The following MSRA variants were observed in gnomAD, a reference collection of about 807,000 sequenced individuals.
The protein encoded by MSRA is mitochondrial peptide methionine sulfoxide reductase.
MSRA carries 54 observed loss-of-function variants against 31.3 expected under a neutral mutation model. The observed-to-expected ratio is 1.73, with a 90% CI of 1.39 to 2.17. MSRA has a LOEUF of 2.17. Among genes scored for constraint, MSRA ranks in the 30% most tolerant of loss-of-function variants. The pLI is 0.00. For synonymous variants in MSRA, 169 were observed against 116.5 expected, an observed-to-expected ratio of 1.45 and a Z score of -2.90; for missense variants, 507 against 300.9, an observed-to-expected ratio of 1.69 and a Z score of -5.07.
At chr8:10,154,655 G>A (rs1388460871) in intron 1 of MSRA, among the ~76,000 whole-genome samples, 1 of 152,128 alleles carries the variant, frequency 6.6e-6, no homozygotes, top group Non-Finnish European at 1.5e-5. Flanking sequence ...GGGATTACAG[G>A]CATGAGCCAC....
At chr8:10,057,764 C>T (rs1407793522) in intron 1 of MSRA, among the ~76,000 whole-genome samples, 1 of 152,204 alleles carries the variant, frequency 6.6e-6, no homozygotes, top group African/African-American at 2.4e-5. Flanking sequence ...GATGTGCCAG[C>T]TTCCTCTTCT....
chr8:10,277,770 C>G (rs1365854641), intron 3 of MSRA, among the ~76,000 whole-genome samples: 17 of 152,130 alleles, frequency 1.1e-4, no homozygotes, highest in Non-Finnish European at 5.9e-5. Context: ...GTATTCAGAT[C>G]TCTTTATAAT....
intron 3 of MSRA, among the ~76,000 whole-genome samples, chr8:10,269,754 C>T (rs1217443591): frequency 6.6e-6 from 1 of 152,208 alleles, no homozygotes; most frequent in African/African-American, 2.4e-5. Flanking sequence ...GGGGTTCACG[C>T]CATTCCCCTG....
intron 1 of MSRA, among the ~76,000 whole-genome samples, chr8:10,055,929 CG>C (rs1802337755): frequency 6.6e-6 from 1 of 151,822 alleles, no homozygotes; most frequent in Non-Finnish European, 1.5e-5. Flanking sequence ...GCTACTCAGC[CG>C]TAAAAGTTTA....
chr8:10,207,041 A>G (rs779994374), intron 1 of MSRA, among the ~76,000 whole-genome samples: 7 of 152,260 alleles, frequency 4.6e-5, no homozygotes, highest in Non-Finnish European at 8.8e-5. Context: ...TGTTTTCCAC[A>G]TAAGTGCTCC....
At chr8:10,262,637 C>A (rs1027801642) in intron 3 of MSRA, among the ~76,000 whole-genome samples, 1 of 152,076 alleles carries the variant, frequency 6.6e-6, no homozygotes, top group African/African-American at 2.4e-5. Context: ...GAGAATGTGT[C>A]CTCCCAGTCT....
At position 10,339,556 on chromosome 8, in the gene MSRA, T is replaced by TTTTC. The variant is rs1554531885; in HGVS notation, c.543+19568_543+19569insTTCT. Among the ~76,000 whole-genome samples the TTTTC allele has an allele frequency of 1.5e-4, 15 of 100,724 alleles. 1 individual carries two copies. The highest frequency in any genetic ancestry group is 3.6e-4 in the East Asian group (1 of 2,752). The allele number at this position is 100,724 out of a possible 152,430, so 66.1% of individuals were successfully genotyped here. A position where few individuals can be genotyped will look rare whatever the true frequency, so the allele number is the denominator to read the frequency against. The stretch of plus-strand genomic sequence containing the variant: ...CTTTTTTTTTTTTTTTTTTTTTTTT[T>TTTTC]TCTGAGACGGAATCTCGTTCTGTCG... On this transcript the variant is annotated intron_variant, in intron 5 of 5. Transcript: ENST00000317173.
At position 10,082,030 on chromosome 8, in the gene MSRA, C is replaced by G. The variant is rs375104241; in HGVS notation, c.142+27372C>G. ...TAGACTGGACAACAAAGTGAGACCC[C>G]CAACAGTACAAAAATATATTATGCA... On this transcript the variant is annotated intron_variant, in intron 1 of 5. Coordinates refer to ENST00000317173, the MANE Select transcript of MSRA (RefSeq NM_012331.5). 5.3e-5 allele frequency among the ~76,000 whole-genome samples: 8 copies of G among 151,960 alleles called. No homozygotes were observed. The East Asian group carries it at 9.7e-4, about 18-fold the overall frequency.
At position 10,231,836 on chromosome 8, in the gene MSRA, G is replaced by C. The variant is rs188316403; in HGVS notation, c.212-13268G>C. ...GAGAATTGCTTGAGCCTGGGAGGCA[G>C]AGGTTGCAGTGATCCAAGATTGCAT... On this transcript the variant is annotated intron_variant, in intron 2 of 5. Coordinates refer to ENST00000317173, the MANE Select transcript of MSRA (RefSeq NM_012331.5). Among the ~76,000 whole-genome samples, 247 of 152,352 alleles carry C rather than the reference G, an allele frequency of 1.6e-3. 2 individuals are homozygous for C. Among genetic ancestry groups the C allele is most frequent in the African/African-American group, 5.7e-3 (237 of 41,578 alleles).
intron 1 of MSRA, among the ~76,000 whole-genome samples, chr8:10,103,622 A>G (rs1216714836): frequency 6.6e-6 from 1 of 152,234 alleles, no homozygotes; most frequent in East Asian, 1.9e-4. Flanking sequence ...TAGTTTCTCC[A>G]GACACATGAG....
chr8:10,307,902 G>C (rs749228654), intron 4 of MSRA, among the ~76,000 whole-genome samples: 13 of 152,216 alleles, frequency 8.5e-5, no homozygotes, highest in Non-Finnish European at 1.8e-4. Context: ...TTAGAGCTAA[G>C]TATGGCCACA....
intron 2 of MSRA, among the ~76,000 whole-genome samples, chr8:10,242,046 C>A (rs938538579): frequency 2.6e-5 from 4 of 152,052 alleles, no homozygotes; most frequent in Non-Finnish European, 4.4e-5. Flanking sequence ...CGGAGGGGGG[C>A]AGATCACCTG....
Position 10,372,790 on chromosome 8 carries a change from T to C in MSRA, c.543+52801T>C, listed in dbSNP as rs74833873. Among the ~76,000 whole-genome samples the C allele has an allele frequency of 3.6e-3, 543 of 152,372 alleles. 3 individuals carry two copies. The highest frequency in any genetic ancestry group is 0.025 in the East Asian group (131 of 5,194). On this transcript the variant is annotated intron_variant, in intron 5 of 5. Coordinates refer to ENST00000317173, the MANE Select transcript of MSRA (RefSeq NM_012331.5). The stretch of plus-strand genomic sequence containing the variant: ...ATTTTTGAAGGTTTAAGAGTCAAGA[T>C]AGACAACTAAAACCAGTCTAGAAAC...
intron 5 of MSRA, among the ~76,000 whole-genome samples, chr8:10,426,362 G>A (rs1427656645): frequency 1.3e-5 from 2 of 152,148 alleles, no homozygotes; most frequent in African/African-American, 4.8e-5. Flanking sequence ...TGAAGGTCAG[G>A]GAAAAGCACC....
intron 5 of MSRA, among the ~76,000 whole-genome samples, chr8:10,327,214 T>C (rs969701469): frequency 1.6e-4 from 25 of 152,220 alleles, no homozygotes; most frequent in Non-Finnish European, 8.8e-5. Context: ...AACAGTGTTT[T>C]AAAGGCTGTA....
chr8:10,256,233 C>T (rs10106875), intron 3 of MSRA, among the ~76,000 whole-genome samples: 2 of 152,108 alleles, frequency 1.3e-5, no homozygotes, highest in Non-Finnish European at 2.9e-5. Flanking sequence ...AGCCTATGTC[C>T]TTTTCGGATT....
In MSRA at chr8:10,063,664, T is replaced by C. The variant is rs547067774; in HGVS notation, c.142+9006T>C. On this transcript the variant is annotated intron_variant, in intron 1 of 5. Coordinates refer to ENST00000317173, the MANE Select transcript of MSRA (RefSeq NM_012331.5). The stretch of plus-strand genomic sequence containing the variant: ...GTGCCCTTGTAAAAGAGACCCCAGA[T>C]AACTAGCTAGTCTTTTCGGCCATGT... Among the ~76,000 whole-genome samples, 13 of 152,306 alleles carry C rather than the reference T, an allele frequency of 8.5e-5. No individual in the cohort carries two copies. The East Asian group carries it at 1.5e-3, about 18-fold the overall frequency.
chr8:10,131,441 T>C (rs549230053), intron 1 of MSRA, among the ~76,000 whole-genome samples: 29 of 152,306 alleles, frequency 1.9e-4, no homozygotes, highest in African/African-American at 7.0e-4. Context: ...AGACTTATTG[T>C]AGGGGAGGGC....
chr8:10,405,397 C>T (rs1202384504), intron 5 of MSRA, among the ~76,000 whole-genome samples: 2 of 152,130 alleles, frequency 1.3e-5, no homozygotes, highest in East Asian at 1.9e-4. Context: ...ACATCTGGCG[C>T]GAGATGGTCG....
Sources: gnomAD v4.1 joint callset for allele counts (sites outside exome capture counted in the v4.1 genomes callset) on GRCh38, gnomAD v4.1.1 for gene constraint, MANE v1.5 for transcripts, NCBI Gene and HGNC (gene_info 2026-07-23, HGNC 2026-07-21) for gene names.